MOK: variants seen among roughly 807,000 people sequenced by gnomAD.
MOK encodes the protein MAPK/MAK/MRK overlapping kinase.
A neutral mutation model predicts 54.2 loss-of-function variants in MOK; 59 were observed. The ratio of observed to expected loss-of-function variants is 1.09; its 90% CI spans 0.88 to 1.35. MOK has a LOEUF of 1.35. Ranked by LOEUF, MOK falls within the 40% of genes most tolerant of loss-of-function variation. The probability of loss-of-function intolerance (pLI) is 0.00; values close to 1 mark genes in which losing one functional copy is unlikely to be tolerated. For missense variants in MOK, 517 were observed against 526.2 expected (o/e 0.98, Z 0.17); for synonymous variants, 210 against 202.7 (o/e 1.04, Z -0.31).
Position 102,229,263 on chromosome 14 carries a change from G to C in MOK, c.*26C>G. 1.3e-6 allele frequency: 2 copies of C among 1,564,446 alleles called. No homozygotes were observed. Among genetic ancestry groups the C allele is most frequent in the Non-Finnish European group, 1.7e-6 (2 of 1,153,228 alleles). ...CCCGGTCGGGCTTGGTGTTGCCTCC[G>C]AAGTCGAGACGACGGTGCTGCTCAG... On this transcript the variant is annotated 3_prime_UTR_variant, in exon 12 of 12. Transcript: ENST00000361847.
At chr14:102,252,810 G>C (rs1294266120) in intron 4 of MOK, among the ~76,000 whole-genome samples, 1 of 152,174 alleles carries the variant, frequency 6.6e-6, no homozygotes, top group Non-Finnish European at 1.5e-5. Context: ...GCATATAAAT[G>C]TATCCCAGCC....
In MOK at chr14:102,229,295, T is replaced by A; in HGVS notation, c.1254A>T (p.Gly418=). The A allele has an allele frequency of 6.2e-7, 1 of 1,602,748 alleles. No homozygotes were observed. Among genetic ancestry groups the A allele is most frequent in the Middle Eastern group, 1.8e-4 (1 of 5,454 alleles). The part of the protein sequence containing the change: ...CRLPTIVRKG[G]R ...AGACGACGGTGCTGCTCAGTTATCTTCCGCCTTTCCGCACTATGGTGGGCA... is the reference window on the plus strand; with the variant it reads ...AGACGACGGTGCTGCTCAGTTATCTACCGCCTTTCCGCACTATGGTGGGCA... The change falls in exon 12 of 12, where the codon GGA becomes GGT. Residue 418 remains glycine, a synonymous_variant. Coordinates refer to ENST00000361847, the MANE Select transcript of MOK (RefSeq NM_014226.3).
At chr14:102,301,123 T>C (rs1433549248) in intron 1 of MOK, among the ~76,000 whole-genome samples, 1 of 152,042 alleles carries the variant, frequency 6.6e-6, no homozygotes, top group Non-Finnish European at 1.5e-5. Flanking sequence ...ACTTTTAAGA[T>C]GACTTCAGCT....
chr14:102,293,722 A>AG (rs2071056628), intron 1 of MOK, among the ~76,000 whole-genome samples: 2 of 146,330 alleles, frequency 1.4e-5, no homozygotes, highest in African/African-American at 2.5e-5. Context: ...AAAAAAAAAA[A>AG]AAAAGAAAAG....
chr14:102,297,647 G>C (rs571204234), intron 1 of MOK, among the ~76,000 whole-genome samples: 2 of 152,202 alleles, frequency 1.3e-5, no homozygotes, highest in African/African-American at 4.8e-5. Flanking sequence ...CTCAGCTTGC[G>C]GGGAGGTGTG....
downstream of MOK, chr14:102,228,757 C>T (rs1003130663): frequency 6.6e-6 from 1 of 152,444 alleles, no homozygotes; most frequent in African/African-American, 2.4e-5. Flanking sequence ...AATCAATTCC[C>T]CTCGTGTGCC....
At chr14:102,293,758 A>G (rs1438612060) in intron 1 of MOK, among the ~76,000 whole-genome samples, 5 of 151,712 alleles carry the variant, frequency 3.3e-5, no homozygotes, top group Admixed American at 6.6e-5. Context: ...AAAAGACTGA[A>G]TATAAATATG....
At chr14:102,295,213 G>C (rs901048632) in intron 1 of MOK, among the ~76,000 whole-genome samples, 1 of 152,088 alleles carries the variant, frequency 6.6e-6, no homozygotes, top group African/African-American at 2.4e-5. Flanking sequence ...AAAACAAAAA[G>C]AAAAACAGAC....
intron 2 of MOK, among the ~76,000 whole-genome samples, chr14:102,270,483 T>G (rs2068263269): frequency 6.6e-6 from 1 of 151,914 alleles, no homozygotes; most frequent in African/African-American, 2.4e-5. Flanking sequence ...TGCCTGTAAT[T>G]CCAGCTCCTC....
At chr14:102,233,545 G>A (rs1292777815) in intron 8 of MOK, 143 bp downstream of exon 8, 5 of 641,184 alleles carry the variant, frequency 7.8e-6, no homozygotes, top group Non-Finnish European at 1.4e-5. Context: ...GCCACTCACT[G>A]GCCCTCAAGT....
chr14:102,230,586 G>A lies in MOK; in HGVS notation c.982-929C>T, dbSNP rs2064593091. ...ATATGCCGACCTCGGATGTGACTGA[G>A]GGTGGGGACTTGGGTGAATGCCGGC... is the stretch of plus-strand genomic sequence containing the variant. On this transcript the variant is annotated intron_variant, in intron 10 of 11. Coordinates refer to ENST00000361847, the MANE Select transcript of MOK (RefSeq NM_014226.3). This position sits in a 1 kb window ranked among gnomAD's most constrained non-coding sequence, Gnocchi z 4.1. The A allele has an allele frequency of 6.6e-6, 1 of 152,500 alleles. No homozygotes were observed. Among genetic ancestry groups the A allele is most frequent in the African/African-American group, 2.4e-5 (1 of 41,450 alleles). 9.4% of individuals were successfully genotyped at this position (152,500 alleles called of 1,614,324 possible).
intron 4 of MOK, among the ~76,000 whole-genome samples, chr14:102,255,089 G>A (rs1217179712): frequency 2.0e-5 from 3 of 152,316 alleles, no homozygotes; most frequent in African/African-American, 7.2e-5. Flanking sequence ...GGAGGCTGAG[G>A]CAGGCGGATC....
intron 6 of MOK, 58 bp downstream of exon 6, chr14:102,251,698 G>A (rs1249522244): frequency 2.8e-6 from 4 of 1,405,004 alleles, no homozygotes; most frequent in Non-Finnish European, 4.0e-6. Flanking sequence ...AACCTTTCGG[G>A]AAAGATTTTC....
downstream of MOK, among the ~76,000 whole-genome samples, chr14:102,222,243 C>T (rs530137500): frequency 4.6e-5 from 7 of 152,310 alleles, no homozygotes; most frequent in East Asian, 5.8e-4. The surrounding 1 kb of genome is among the most constrained non-coding windows in gnomAD (Gnocchi z 4.4). Flanking sequence ...TTCTGGGGCT[C>T]CCCCGACCTC....
At chr14:102,260,575 T>C (rs1012392922) in intron 4 of MOK, 3 of 152,126 alleles carry the variant, frequency 2.0e-5, no homozygotes, top group Admixed American at 2.0e-4. Flanking sequence ...CTACAAGCAC[T>C]GTTGGCCATT....
At chr14:102,255,529 CGTCCTGGTCCCGGGCCA>C (rs138366384) in intron 4 of MOK, among the ~76,000 whole-genome samples, 1,552 of 152,062 alleles carry the variant, frequency 0.01, 25 homozygotes, top group African/African-American at 0.036. Flanking sequence ...GGTAGGGAGC[CGTCCTGGTCCCGGGCCA>C]GTAGTTGGGG....
intron 6 of MOK, chr14:102,251,431 G>A (rs1470664926): frequency 6.9e-6 from 3 of 436,316 alleles, no homozygotes; most frequent in Non-Finnish European, 1.3e-5. Context: ...AGTGGCTTGG[G>A]AGTGAGACGG....
At chr14:102,304,874 G>C (rs2072613420) in intron 1 of MOK, 88 bp downstream of exon 1, 1 of 1,448,572 alleles carries the variant, frequency 6.9e-7, no homozygotes, top group Non-Finnish European at 9.5e-7. Flanking sequence ...CGGCCCCACA[G>C]GCCCCTCAAG....
intron 1 of MOK, among the ~76,000 whole-genome samples, chr14:102,294,184 T>A (rs148782624): frequency 2.6e-5 from 4 of 151,366 alleles, no homozygotes; most frequent in South Asian, 2.1e-4. Context: ...CGGTGGCTCA[T>A]GCCTGTAATC....
Sources: allele counts gnomAD v4.1 joint callset (sites outside exome capture counted in the v4.1 genomes callset), GRCh38; gene constraint gnomAD v4.1.1; non-coding constraint Gnocchi (gnomAD v3.1); transcripts MANE v1.5; gene names NCBI Gene and HGNC (gene_info 2026-07-23, HGNC 2026-07-21).